Variants in SGCZ observed in about 807,000 individuals in gnomAD.
SGCZ encodes zeta-sarcoglycan.
In SGCZ, 40 loss-of-function variants were observed where a neutral mutation model predicts 41.3. The ratio of observed to expected loss-of-function variants is 0.97; its 90% CI spans 0.75 to 1.26. SGCZ has a LOEUF of 1.26. Ranked by LOEUF, SGCZ falls within the 50% of genes most tolerant of loss-of-function variation. SGCZ has a pLI of 0.00. For missense variants in SGCZ, 552 were observed against 369.8 expected, an observed-to-expected ratio of 1.49 and a Z score of -4.04; for synonymous variants, 206 against 137.5, an observed-to-expected ratio of 1.50 and a Z score of -3.49.
At chr8:14,947,045 ATTTC>A (rs952045139) in intron 1 of SGCZ, among the ~76,000 whole-genome samples, 19 of 152,108 alleles carry the variant, frequency 1.2e-4, no homozygotes, top group African/African-American at 3.6e-4. Context: ...AAATCTTTGT[ATTTC>A]TTTATCCAGC....
chr8:14,938,363 A>C (rs796206292), intron 1 of SGCZ, among the ~76,000 whole-genome samples: 14 of 152,268 alleles, frequency 9.2e-5, no homozygotes, highest in African/African-American at 3.4e-4. Flanking sequence ...CTGAGATGGC[A>C]AGACCAATCC....
intron 2 of SGCZ, among the ~76,000 whole-genome samples, chr8:14,327,504 T>G (rs958291853): frequency 6.6e-6 from 1 of 152,196 alleles, no homozygotes; most frequent in African/African-American, 2.4e-5. Flanking sequence ...GGAGACTATT[T>G]CAGAGCAATG....
chr8:14,423,401 C>A (rs774052789), intron 2 of SGCZ, among the ~76,000 whole-genome samples: 1 of 151,978 alleles, frequency 6.6e-6, no homozygotes, highest in East Asian at 1.9e-4. Flanking sequence ...TCAATAAATT[C>A]ATAGCTATAA....
At chr8:14,115,795 T>TG (rs1359758493) in intron 5 of SGCZ, among the ~76,000 whole-genome samples, 3 of 151,466 alleles carry the variant, frequency 2.0e-5, no homozygotes, top group African/African-American at 2.4e-5. Flanking sequence ...GAGGTTTCTT[T>TG]GGGGGGTGGG....
chr8:15,069,108 T>G (rs1276930810), intron 1 of SGCZ, among the ~76,000 whole-genome samples: 1 of 152,212 alleles, frequency 6.6e-6, no homozygotes, highest in Non-Finnish European at 1.5e-5. Flanking sequence ...ATAATCAAAG[T>G]CTTTATTCTT....
chr8:14,611,332 ATG>A (rs5889540), intron 1 of SGCZ, among the ~76,000 whole-genome samples: 93,519 of 137,394 alleles, frequency 0.68, 28,975 homozygotes, highest in East Asian at 0.75. Context: ...ATGTGGGTCT[ATG>A]TGTGTGTGTG....
chr8:14,565,076 C>T (rs73533187), intron 1 of SGCZ, among the ~76,000 whole-genome samples: 300 of 152,082 alleles, frequency 2.0e-3, no homozygotes, highest in African/African-American at 6.9e-3. Flanking sequence ...AATGTGCTGC[C>T]TCTTGAGACA....
At chr8:14,574,055 TGA>T (rs1804637397) in intron 1 of SGCZ, among the ~76,000 whole-genome samples, 1 of 152,120 alleles carries the variant, frequency 6.6e-6, no homozygotes, top group Non-Finnish European at 1.5e-5. Flanking sequence ...CAAACACTGT[TGA>T]TAATCTCCAC....
chr8:14,803,236 G>A (rs966150273), intron 1 of SGCZ, among the ~76,000 whole-genome samples: 3 of 152,086 alleles, frequency 2.0e-5, no homozygotes, highest in African/African-American at 4.8e-5. Context: ...CAAGATGGCC[G>A]AATAGGAACA....
intron 1 of SGCZ, among the ~76,000 whole-genome samples, chr8:14,677,176 T>C (rs867697696): frequency 1.3e-5 from 2 of 151,960 alleles, no homozygotes; most frequent in South Asian, 4.1e-4. Flanking sequence ...AATGAGAAAG[T>C]GGGAACTGAA....
At chr8:14,397,350 C>T (rs1402241859) in intron 2 of SGCZ, among the ~76,000 whole-genome samples, 1 of 151,992 alleles carries the variant, frequency 6.6e-6, no homozygotes, top group African/African-American at 2.4e-5. Context: ...GTCTCCTTCC[C>T]AATTAAAATA....
intron 1 of SGCZ, among the ~76,000 whole-genome samples, chr8:15,200,404 A>AGAAGATGG (rs1398003005): frequency 6.6e-6 from 1 of 152,172 alleles, no homozygotes; most frequent in Non-Finnish European, 1.5e-5. Flanking sequence ...GTAAGGTATC[A>AGAAGATGG]GAAGATGGCC....
intron 1 of SGCZ, among the ~76,000 whole-genome samples, chr8:14,659,133 C>T (rs943752281): frequency 2.0e-5 from 3 of 152,014 alleles, no homozygotes; most frequent in South Asian, 4.1e-4. Context: ...AGTTTAGTTA[C>T]ATTTATTTTC....
rs368814635 is a variant in SGCZ at position 14,612,912 on chromosome 8, C to T, written c.40-57986G>A. The stretch of plus-strand genomic sequence containing the variant: ...TGTTGCCCAGGGTAGCCTCGAACTC[C>T]TGAGCTCAGGCTATCCACTTGCCTC... On this transcript the variant is annotated intron_variant, in intron 1 of 7. Coordinates refer to ENST00000382080, the MANE Select transcript of SGCZ (RefSeq NM_139167.4). 3.2e-4 allele frequency among the ~76,000 whole-genome samples: 49 copies of T among 152,312 alleles called. No individual in the cohort carries two copies. In the East Asian group the frequency reaches 5.0e-3, roughly 16 times the overall value.
intron 4 of SGCZ, among the ~76,000 whole-genome samples, chr8:14,174,836 C>G (rs1804494673): frequency 6.6e-6 from 1 of 152,094 alleles, no homozygotes; most frequent in Non-Finnish European, 1.5e-5. Flanking sequence ...AGCATAAATG[C>G]TTCCATCTTA....
chr8:14,482,353 T>C (rs1801558015), intron 2 of SGCZ, among the ~76,000 whole-genome samples: 1 of 152,222 alleles, frequency 6.6e-6, no homozygotes, highest in African/African-American at 2.4e-5. Flanking sequence ...TTTCCTGTAT[T>C]TTGGAGAATT....
At position 15,097,792 on chromosome 8, in the gene SGCZ, A is replaced by C. The variant is rs1245497453; in HGVS notation, c.39+139793T>G. On this transcript the variant is annotated intron_variant, in intron 1 of 7. Coordinates refer to ENST00000382080, the MANE Select transcript of SGCZ (RefSeq NM_139167.4). Reference sequence around the variant, plus strand: ...TATATATATATATACGTGTATATATATATACGTGTATATATATATATACGT... The same window carrying C: ...TATATATATATATACGTGTATATATCTATACGTGTATATATATATATACGT... 2.9e-5 allele frequency among the ~76,000 whole-genome samples: 4 copies of C among 137,762 alleles called. 1 individual carries two copies. The highest frequency in any genetic ancestry group is 6.0e-5 in the Non-Finnish European group (4 of 66,460). The allele number at this position is 137,762 out of a possible 152,430, so 90.4% of individuals were successfully genotyped here. A position where few individuals can be genotyped will look rare whatever the true frequency, so the allele number is the denominator to read the frequency against.
chr8:14,564,759 G>A lies in SGCZ; in HGVS notation c.40-9833C>T, dbSNP rs186718958. Among the ~76,000 whole-genome samples, 560 of 152,210 alleles carry A rather than the reference G, an allele frequency of 3.7e-3. 1 individual carries two copies. Among genetic ancestry groups the A allele is most frequent in the Non-Finnish European group, 5.3e-3 (358 of 68,010 alleles). ...GGTGTGAACTTTCCATACCAGAAAG[G>A]CATTTTGTTTTCTGCTCCAACAAAA... On this transcript the variant is annotated intron_variant, in intron 1 of 7. Transcript: ENST00000382080.
chr8:14,141,423 C>T (rs1449266838), intron 5 of SGCZ, among the ~76,000 whole-genome samples: 1 of 152,158 alleles, frequency 6.6e-6, no homozygotes, highest in Non-Finnish European at 1.5e-5. Flanking sequence ...ATCCATCTGA[C>T]AAAGGACTAC....
Sources: gnomAD v4.1 joint callset for allele counts (sites outside exome capture counted in the v4.1 genomes callset) on GRCh38, gnomAD v4.1.1 for gene constraint, MANE v1.5 for transcripts, NCBI Gene and HGNC (gene_info 2026-07-23, HGNC 2026-07-21) for gene names.